Variants in NDST4 observed in about 807,000 individuals in gnomAD.
NDST4 encodes the protein N-heparan sulfate sulfotransferase 4.
In NDST4, 63 loss-of-function variants were observed where a neutral mutation model predicts 100.8. The observed-to-expected ratio is 0.62, with a 90% CI of 0.51 to 0.77. The LOEUF is 0.77. NDST4 is among the 30% of genes least tolerant of loss of function. NDST4 has a pLI of 0.00. For synonymous variants in NDST4, 377 were observed against 361.8 expected, an observed-to-expected ratio of 1.04 and a Z score of -0.48; for missense variants, 943 against 1,018.4, an observed-to-expected ratio of 0.93 and a Z score of 1.01.
At chr4:114,951,759 G>A (rs1354653303) in intron 4 of NDST4, among the ~76,000 whole-genome samples, 2 of 152,154 alleles carry the variant, frequency 1.3e-5, no homozygotes, top group East Asian at 3.9e-4. Flanking sequence ...CCAAATACAA[G>A]GGTTTGACTT....
At chr4:115,025,337 G>T (rs1489648794) in intron 2 of NDST4, among the ~76,000 whole-genome samples, 1 of 152,158 alleles carries the variant, frequency 6.6e-6, no homozygotes, top group East Asian at 1.9e-4. Context: ...TGAGATTTAT[G>T]CTACTCGGAT....
chr4:115,054,468 T>C (rs904542921), intron 2 of NDST4, among the ~76,000 whole-genome samples: 4 of 152,164 alleles, frequency 2.6e-5, no homozygotes, highest in Admixed American at 6.5e-5. Flanking sequence ...CAATAAGAAA[T>C]TTTATGTTTT....
Position 115,112,251 on chromosome 4 carries a change from A to T in NDST4, c.-247+1193T>A, listed in dbSNP as rs1729970811. Among the ~76,000 whole-genome samples, 3 of 151,398 alleles carry T rather than the reference A, an allele frequency of 2.0e-5. No individual in the cohort carries two copies. The South Asian group carries it at 6.2e-4, about 31-fold the overall frequency. On this transcript the variant is annotated intron_variant, in intron 1 of 13. Transcript: ENST00000264363. ...GTTGTGGGAAAATTCATTGCTTCCTAGTTTTGGGGAAATTCAACCAATTAC... is the reference window on the plus strand; with the variant it reads ...GTTGTGGGAAAATTCATTGCTTCCTTGTTTTGGGGAAATTCAACCAATTAC...
chr4:115,055,766 G>A lies in NDST4; in HGVS notation c.978+20293C>T, dbSNP rs145640933. On this transcript the variant is annotated intron_variant, in intron 2 of 13. Transcript: ENST00000264363. ...TAGAGGGATGATAGATAAAGGGTAA[G>A]CTGGCACCACTTAAAGGCCAGCAAG... Among the ~76,000 whole-genome samples, 6 of 152,224 alleles carry A rather than the reference G, an allele frequency of 3.9e-5. No homozygotes were observed. In the East Asian group the frequency reaches 1.2e-3, roughly 29 times the overall value.
chr4:115,094,977 C>T (rs1228906421), intron 1 of NDST4, among the ~76,000 whole-genome samples: 5 of 152,120 alleles, frequency 3.3e-5, no homozygotes, highest in Non-Finnish European at 7.4e-5. Context: ...CAAACTAATA[C>T]TTTATCTGTG....
chr4:114,913,871 C>T (rs1387954406), intron 6 of NDST4, among the ~76,000 whole-genome samples: 2 of 151,568 alleles, frequency 1.3e-5, no homozygotes, highest in Admixed American at 6.6e-5. Context: ...TTTGAGGATA[C>T]TTGTTCAAAA....
intron 8 of NDST4, among the ~76,000 whole-genome samples, chr4:114,851,462 T>A (rs1294993170): frequency 1.3e-5 from 2 of 152,134 alleles, no homozygotes; most frequent in African/African-American, 4.8e-5. Flanking sequence ...AATATGAAAA[T>A]CTAAACGTAT....
chr4:114,870,482 G>A (rs750098981), intron 7 of NDST4, among the ~76,000 whole-genome samples: 20 of 152,006 alleles, frequency 1.3e-4, no homozygotes, highest in Non-Finnish European at 2.2e-4. Context: ...AAGTTAAAAT[G>A]ATTAGCTTGG....
intron 7 of NDST4, among the ~76,000 whole-genome samples, chr4:114,870,045 G>C (rs986155345): frequency 6.6e-6 from 1 of 152,118 alleles, no homozygotes; most frequent in Non-Finnish European, 1.5e-5. Context: ...GCTCTCTGCA[G>C]CCAGCCTATT....
chr4:115,046,453 A>G (rs1274820494), intron 2 of NDST4, among the ~76,000 whole-genome samples: 2 of 152,116 alleles, frequency 1.3e-5, no homozygotes, highest in Admixed American at 1.3e-4. Flanking sequence ...CATAACTTTT[A>G]TTTCAGTTGA....
At chr4:115,079,517 C>G (rs1424165299) in intron 1 of NDST4, among the ~76,000 whole-genome samples, 1 of 152,118 alleles carries the variant, frequency 6.6e-6, no homozygotes, top group East Asian at 1.9e-4. Flanking sequence ...TGTTAGAGTA[C>G]TTAAATAATT....
intron 1 of NDST4, among the ~76,000 whole-genome samples, chr4:115,096,002 T>A (rs1263213824): frequency 6.6e-6 from 1 of 150,676 alleles, no homozygotes; most frequent in Non-Finnish European, 1.5e-5. Context: ...AACTTTACAC[T>A]CTCTCTCTCA....
chr4:115,012,856 G>T (rs779286410), intron 2 of NDST4, among the ~76,000 whole-genome samples: 1 of 152,124 alleles, frequency 6.6e-6, no homozygotes, highest in Admixed American at 6.6e-5. Flanking sequence ...ATGCACAATG[G>T]AGTATTATTT....
At chr4:115,011,798 A>T (rs1407272967) in intron 2 of NDST4, among the ~76,000 whole-genome samples, 1 of 151,992 alleles carries the variant, frequency 6.6e-6, no homozygotes, top group East Asian at 1.9e-4. Flanking sequence ...AAATAACAGG[A>T]ACAGAAATGA....
intron 2 of NDST4, among the ~76,000 whole-genome samples, chr4:115,021,356 C>T (rs906606241): frequency 4.1e-5 from 6 of 147,036 alleles, no homozygotes; most frequent in Non-Finnish European, 8.8e-5. Context: ...TATACATATT[C>T]CATATATACA....
At chr4:115,044,445 AGT>A (rs1206182733) in intron 2 of NDST4, among the ~76,000 whole-genome samples, 1 of 152,104 alleles carries the variant, frequency 6.6e-6, no homozygotes, top group Non-Finnish European at 1.5e-5. Context: ...TGTTAATGTT[AGT>A]GAGGGAAAAC....
At chr4:114,857,657 G>C (rs1723825691) in intron 7 of NDST4, among the ~76,000 whole-genome samples, 2 of 152,174 alleles carry the variant, frequency 1.3e-5, no homozygotes, top group African/African-American at 4.8e-5. Context: ...AAAATCGCTG[G>C]TTAATGGAAC....
chr4:114,903,925 A>C (rs1248427004), intron 6 of NDST4, among the ~76,000 whole-genome samples: 1 of 152,016 alleles, frequency 6.6e-6, no homozygotes, highest in Non-Finnish European at 1.5e-5. Flanking sequence ...CAAAAGTAGA[A>C]GCCAATTGAA....
At chr4:115,064,905 T>C (rs1168856935) in intron 2 of NDST4, among the ~76,000 whole-genome samples, 6 of 152,174 alleles carry the variant, frequency 3.9e-5, no homozygotes, top group Non-Finnish European at 8.8e-5. Flanking sequence ...CTACATTTAT[T>C]GTTTCAGAAG....
Sources: allele counts gnomAD v4.1 joint callset (sites outside exome capture counted in the v4.1 genomes callset), GRCh38; gene constraint gnomAD v4.1.1; transcripts MANE v1.5; gene names NCBI Gene and HGNC (gene_info 2026-07-23, HGNC 2026-07-21).